The following TENM1 variants were observed in gnomAD, a reference collection of about 807,000 sequenced individuals.
TENM1 encodes teneurin-1.
TENM1 carries 35 observed loss-of-function variants against 174.8 expected under a neutral mutation model. The ratio of observed to expected loss-of-function variants is 0.20; its 90% CI spans 0.15 to 0.27. The LOEUF is 0.27. Among genes scored for constraint, TENM1 ranks in the 10% least tolerant of loss-of-function variants. The pLI is 1.00. For missense variants in TENM1, 1,633 were observed against 2,130.1 expected, an observed-to-expected ratio of 0.77 and a Z score of 4.59; for synonymous variants, 781 against 798.7, an observed-to-expected ratio of 0.98 and a Z score of 0.37.
chrX:124,583,881 G>A (rs902880145), intron 11 of TENM1, among the ~76,000 whole-genome samples: 3 of 106,136 alleles, frequency 2.8e-5, no homozygotes, highest in Non-Finnish European at 5.8e-5. Flanking sequence ...AGAACTACGT[G>A]AAGAATGCAG....
intron 1 of TENM1, among the ~76,000 whole-genome samples, chrX:124,910,475 T>G (rs2147636949): frequency 8.9e-6 from 1 of 112,317 alleles, no homozygotes; most frequent in South Asian, 3.7e-4. Context: ...AATATGAGTC[T>G]ACATGATGCC....
the TENM1 span, among the ~76,000 whole-genome samples, chrX:125,138,928 G>A: frequency 9.0e-6 from 1 of 111,091 alleles, no homozygotes; most frequent in Middle Eastern, 4.6e-3. Context: ...CTAACCATGT[G>A]CACATGAGAG....
chrX:124,696,484 A>T (rs1214224258), intron 5 of TENM1, among the ~76,000 whole-genome samples: 1 of 110,904 alleles, frequency 9.0e-6, no homozygotes, highest in Non-Finnish European at 1.9e-5. Context: ...ACTTTCTTTC[A>T]TAGTGCAATA....
intron 3 of TENM1, among the ~76,000 whole-genome samples, chrX:124,761,358 T>A (rs777657847): frequency 6.3e-4 from 70 of 110,321 alleles, no homozygotes; most frequent in Middle Eastern, 4.6e-3. Flanking sequence ...GAATATTATG[T>A]GGCCATAAAA....
At chrX:124,454,414 T>C (rs12008291) in intron 22 of TENM1, among the ~76,000 whole-genome samples, 56,265 of 108,972 alleles carry the variant, frequency 0.52, 11,530 homozygotes, top group Non-Finnish European at 0.65. Flanking sequence ...TGTTTTTTTT[T>C]TTTGTTTTTG....
intron 2 of TENM1, 89 bp from the exon 6 acceptor site, chrX:124,894,441 CT>C (rs1278530922): frequency 3.1e-6 from 2 of 644,969 alleles, no homozygotes; most frequent in Admixed American, 3.6e-5. Flanking sequence ...TCTAGTGGTG[CT>C]TAAAAAAAAC....
the TENM1 span, among the ~76,000 whole-genome samples, chrX:125,066,338 C>A: frequency 9.0e-6 from 1 of 111,704 alleles, no homozygotes; most frequent in South Asian, 3.8e-4. Flanking sequence ...AGCCCAGAGT[C>A]CCTCCTCCCA....
intron 4 of TENM1, among the ~76,000 whole-genome samples, chrX:124,729,057 A>T (rs887237263): frequency 1.8e-5 from 2 of 112,428 alleles, no homozygotes; most frequent in Non-Finnish European, 3.8e-5. Context: ...GAATACAGGG[A>T]TTCTCATTCC....
At chrX:125,090,084 C>T in the TENM1 span, among the ~76,000 whole-genome samples, 1 of 111,742 alleles carries the variant, frequency 8.9e-6, no homozygotes, top group East Asian at 2.8e-4. Context: ...TCTATGCCAT[C>T]TCTTGCTTTA....
At chrX:124,960,768 A>G (rs960830781) in intron 1 of TENM1, among the ~76,000 whole-genome samples, 4 of 112,162 alleles carry the variant, frequency 3.6e-5, no homozygotes, top group Admixed American at 1.9e-4. Flanking sequence ...ATAAATCACA[A>G]TTGTAAATTC....
At chrX:125,187,928 TTTC>T in the TENM1 span, among the ~76,000 whole-genome samples, 1,934 of 112,154 alleles carry the variant, frequency 0.017, 57 homozygotes, top group African/African-American at 0.058. Context: ...ATTATATGAT[TTTC>T]TTCTTTCTGT....
At chrX:124,883,964 C>T (rs979292434) in intron 3 of TENM1, among the ~76,000 whole-genome samples, 1 of 110,895 alleles carries the variant, frequency 9.0e-6, no homozygotes, top group Non-Finnish European at 1.9e-5. Flanking sequence ...TGACTGTGGT[C>T]GGCAGGGGTA....
At chrX:124,861,157 T>A (rs977692350) in intron 3 of TENM1, among the ~76,000 whole-genome samples, 3 of 112,186 alleles carry the variant, frequency 2.7e-5, no homozygotes, top group Non-Finnish European at 5.6e-5. Context: ...AAGGTTAAAA[T>A]AATTTATGTA....
rs762585244 is a variant in TENM1 at position 124,641,812 on chromosome X, T to C, written c.2056A>G (p.Thr686Ala). Residue 686 changes from threonine (T) to alanine (A), a missense_variant, in exon 11 of 32, where the codon ACA becomes GCA. Transcript: ENST00000422452. The stretch of plus-strand genomic sequence containing the variant: ...ACACCTGTTGAGCAGTCAGATCCTG[T>C]CCACTTGGGATCACAGCTGCATACT... 7.4e-6 allele frequency: 9 copies of C among 1,209,722 alleles called. No individual in the cohort carries two copies. The East Asian group carries it at 2.4e-4, about 32-fold the overall frequency.
intron 3 of TENM1, among the ~76,000 whole-genome samples, chrX:124,802,692 G>T (rs2055487663): frequency 8.9e-6 from 1 of 111,996 alleles, no homozygotes; most frequent in Non-Finnish European, 1.9e-5. Flanking sequence ...TGCTGTTATG[G>T]TTCTTTTCGA....
the TENM1 span, among the ~76,000 whole-genome samples, chrX:125,162,385 C>T: frequency 3.6e-5 from 4 of 112,420 alleles, no homozygotes; most frequent in Non-Finnish European, 7.5e-5. Context: ...AACTCACTCA[C>T]TGCAATATGA....
intron 22 of TENM1, among the ~76,000 whole-genome samples, chrX:124,455,315 G>A (rs2061092988): frequency 8.9e-6 from 1 of 111,746 alleles, no homozygotes; most frequent in African/African-American, 3.2e-5. Flanking sequence ...TTTTAAGACT[G>A]GGGCAAGTTA....
chrX:124,728,973 G>T (rs1177080420), intron 4 of TENM1, among the ~76,000 whole-genome samples: 1 of 112,325 alleles, frequency 8.9e-6, no homozygotes, highest in Non-Finnish European at 1.9e-5. Context: ...TTAGAATAGT[G>T]CTTGGCATAT....
chrX:125,093,863 T>C, the TENM1 span, among the ~76,000 whole-genome samples: 1 of 112,228 alleles, frequency 8.9e-6, no homozygotes, highest in Non-Finnish European at 1.9e-5. Context: ...CAGGGCAAAT[T>C]CTCTATTAAA....
Sources: gnomAD v4.1 joint callset for allele counts (sites outside exome capture counted in the v4.1 genomes callset) on GRCh38, gnomAD v4.1.1 for gene constraint, MANE v1.5 for transcripts, NCBI Gene and HGNC (gene_info 2026-07-23, HGNC 2026-07-21) for gene names.